The following SIPA1L3 variants were observed in gnomAD, a reference collection of about 807,000 sequenced individuals.
SIPA1L3 encodes signal-induced proliferation-associated 1-like protein 3.
Under a neutral mutation model 150.1 loss-of-function variants are expected in SIPA1L3, and 59 were observed. The ratio of observed to expected loss-of-function variants is 0.39; its 90% CI spans 0.32 to 0.49. The LOEUF is 0.49. SIPA1L3 is among the 20% of genes least tolerant of loss of function. SIPA1L3 has a pLI of 0.86. For missense variants in SIPA1L3, 2,211 were observed against 2,489.5 expected, an observed-to-expected ratio of 0.89 and a Z score of 2.38; for synonymous variants, 1,070 against 1,077.6, an observed-to-expected ratio of 0.99 and a Z score of 0.14.
chr19:38,098,212 A>G (rs1253326645), intron 4 of SIPA1L3, among the ~76,000 whole-genome samples: 1 of 152,128 alleles, frequency 6.6e-6, no homozygotes, highest in Non-Finnish European at 1.5e-5. Flanking sequence ...TAGCTAAAAC[A>G]AAGGGAGGTT....
chr19:38,145,005 C>T (rs546339378), intron 12 of SIPA1L3, among the ~76,000 whole-genome samples: 222 of 152,106 alleles, frequency 1.5e-3, no homozygotes, highest in African/African-American at 5.1e-3. Flanking sequence ...AGAGAGGAAT[C>T]GGGTGTGTGC....
chr19:38,107,724 C>G (rs534509519), intron 7 of SIPA1L3, among the ~76,000 whole-genome samples: 27 of 152,326 alleles, frequency 1.8e-4, no homozygotes, highest in Non-Finnish European at 3.5e-4. Context: ...TGCCTGTGAT[C>G]CCAGCACTTT....
chr19:38,144,094 ACT>A (rs1971654520), intron 12 of SIPA1L3, among the ~76,000 whole-genome samples: 1 of 151,694 alleles, frequency 6.6e-6, no homozygotes, highest in Admixed American at 6.6e-5. Context: ...CATCCTACCA[ACT>A]CAAGCTTCTG....
chr19:38,126,252 G>A (rs1600106175), intron 9 of SIPA1L3, among the ~76,000 whole-genome samples: 1 of 152,154 alleles, frequency 6.6e-6, no homozygotes, highest in African/African-American at 2.4e-5. Flanking sequence ...GCTTAAAAGG[G>A]GGGTGTGGAG....
chr19:38,185,115 T>C (rs1440338144), intron 16 of SIPA1L3: 1 of 152,412 alleles, frequency 6.6e-6, no homozygotes. Context: ...GAGGACTCGC[T>C]CTAATGCCAC....
rs1375461399 is a variant in SIPA1L3, at chr19:38,047,578, TA to T, written c.-311+18423del. 6.6e-6 allele frequency among the ~76,000 whole-genome samples: 1 copy of T among 152,196 alleles called. No homozygotes were observed. The highest frequency in any genetic ancestry group is 1.5e-5 in the Non-Finnish European group (1 of 68,034). ...CCTCGATCCCTCCTGCCACTCACTT[TA>T]TAGTAGAGGCAGTCACAGGCGATCT... On this transcript the variant is annotated intron_variant, in intron 2 of 21. Transcript: ENST00000222345. This position sits in a 1 kb window ranked among gnomAD's most constrained non-coding sequence, Gnocchi z 4.7.
chr19:38,193,595 G>T lies in SIPA1L3; in HGVS notation c.4655G>T (p.Arg1552Leu), dbSNP rs368732760. The change falls in exon 18 of 22, where the codon CGC becomes CTC. Residue 1552 changes from arginine to leucine, a missense_variant. Around this residue, in one of 5 missense-constraint regions of SIPA1L3, gnomAD observed 806 missense variants for 870.1 expected, o/e 0.93. Transcript: ENST00000222345. ...TCGGACGAGAGCCTGTGCAGCGGGC[G>T]CCGGGAGCCCAGCTTCGCCAGCCCC... ...TLSDESLCSG[R>L]REPSFASPAG... The T allele has an allele frequency of 6.4e-7, 1 of 1,560,370 alleles. No homozygotes were observed. Among genetic ancestry groups the T allele is most frequent in the Admixed American group, 1.8e-5 (1 of 54,220 alleles).
intron 1 of SIPA1L3, among the ~76,000 whole-genome samples, chr19:37,951,949 G>T (rs1413439286): frequency 6.7e-6 from 1 of 150,194 alleles, no homozygotes; most frequent in Non-Finnish European, 1.5e-5. Context: ...TGGTCTACCT[G>T]GTTTGGACTT....
At chr19:38,176,009 C>T (rs552786780) in intron 15 of SIPA1L3, among the ~76,000 whole-genome samples, 31 of 152,264 alleles carry the variant, frequency 2.0e-4, no homozygotes, top group Admixed American at 1.8e-3. Context: ...AGTTCAAGAC[C>T]AGCCTGACCA....
intron 2 of SIPA1L3, among the ~76,000 whole-genome samples, chr19:38,033,860 C>T (rs978981364): frequency 6.6e-6 from 1 of 152,112 alleles, no homozygotes; most frequent in Non-Finnish European, 1.5e-5. Context: ...AATTGGCAAA[C>T]AATTACCATG....
chr19:38,016,665 G>C (rs545347023), intron 1 of SIPA1L3, among the ~76,000 whole-genome samples: 1 of 152,014 alleles, frequency 6.6e-6, no homozygotes, highest in East Asian at 1.9e-4. Flanking sequence ...GCTAACTTTT[G>C]TATTTTTAGT....
chr19:38,085,092 C>A (rs762535451), intron 3 of SIPA1L3, among the ~76,000 whole-genome samples: 1 of 152,152 alleles, frequency 6.6e-6, no homozygotes, highest in Non-Finnish European at 1.5e-5. Context: ...CCACGTGATA[C>A]GTTTTACCCT....
intron 2 of SIPA1L3, among the ~76,000 whole-genome samples, chr19:38,034,332 T>C (rs551772353): frequency 1.3e-5 from 2 of 152,214 alleles, no homozygotes; most frequent in East Asian, 3.9e-4. Flanking sequence ...ACGTGCATGA[T>C]CTCATTCAGT....
chr19:37,928,648 C>T (rs1176395442), intron 1 of SIPA1L3, among the ~76,000 whole-genome samples: 1 of 152,084 alleles, frequency 6.6e-6, no homozygotes, highest in Non-Finnish European at 1.5e-5. Context: ...ATTGCTGGGC[C>T]CCATCTGATT....
At chr19:38,091,959 G>A (rs1231647294) in intron 4 of SIPA1L3, among the ~76,000 whole-genome samples, 1 of 151,614 alleles carries the variant, frequency 6.6e-6, no homozygotes, top group Admixed American at 6.6e-5. Flanking sequence ...AGCTTCTCAG[G>A]AGGCTGAGGC....
intron 1 of SIPA1L3, among the ~76,000 whole-genome samples, chr19:37,947,581 T>C (rs1037474345): frequency 1.5e-4 from 23 of 152,122 alleles, no homozygotes; most frequent in Admixed American, 1.3e-4. Context: ...CCCACTAATA[T>C]GAAACTCAAA....
At chr19:38,190,820 G>C (rs1411165978) in intron 16 of SIPA1L3, among the ~76,000 whole-genome samples, 5 of 152,140 alleles carry the variant, frequency 3.3e-5, no homozygotes, top group African/African-American at 1.2e-4. Flanking sequence ...AGGTTATCAT[G>C]GTTCATAATT....
At position 38,187,982 on chromosome 19, in the gene SIPA1L3, T is replaced by C. The variant is rs185937384; in HGVS notation, c.4431-4163T>C. Among the ~76,000 whole-genome samples the C allele has an allele frequency of 9.6e-4, 145 of 151,308 alleles. 2 individuals are homozygous for C. Among genetic ancestry groups the C allele is most frequent in the African/African-American group, 3.4e-3 (139 of 41,176 alleles). On this transcript the variant is annotated intron_variant, in intron 16 of 21. Coordinates refer to ENST00000222345, the MANE Select transcript of SIPA1L3 (RefSeq NM_015073.3). Reference sequence around the variant, plus strand: ...CTGCAGTCTAGCCTGGGCGACAGAGTGAGACTCTGTCTCAAAAAAAAAAAA... The same window carrying C: ...CTGCAGTCTAGCCTGGGCGACAGAGCGAGACTCTGTCTCAAAAAAAAAAAA...
At chr19:38,044,872 C>A (rs888278882) in intron 2 of SIPA1L3, among the ~76,000 whole-genome samples, 2 of 152,034 alleles carry the variant, frequency 1.3e-5, no homozygotes, top group Non-Finnish European at 2.9e-5. Flanking sequence ...TACTTAGTGC[C>A]TGGTGCCACC....
Sources: allele counts gnomAD v4.1 joint callset (sites outside exome capture counted in the v4.1 genomes callset), GRCh38; gene constraint gnomAD v4.1.1; regional missense constraint gnomAD v4.1.1; non-coding constraint Gnocchi (gnomAD v3.1); transcripts MANE v1.5; gene names NCBI Gene and HGNC (gene_info 2026-07-23, HGNC 2026-07-21).